PCDH15: variants seen among roughly 807,000 people sequenced by gnomAD.
PCDH15 encodes the protein protocadherin related 15.
In PCDH15, 129 loss-of-function variants were observed where a neutral mutation model predicts 178.5. That is an observed-to-expected ratio of 0.72 (90% CI 0.63 to 0.84). The LOEUF (loss-of-function observed/expected upper bound fraction) is 0.84. PCDH15 is among the 40% of genes least tolerant of loss of function. The probability of loss-of-function intolerance (pLI) is 0.00; values close to 1 mark genes in which losing one functional copy is unlikely to be tolerated. For synonymous variants in PCDH15, 800 were observed against 732.0 expected (o/e 1.09, Z -1.50); for missense variants, 2,230 against 2,099.9 (o/e 1.06, Z -1.21).
chr10:55,352,000 T>A (rs1373628051), intron 2 of PCDH15, among the ~76,000 whole-genome samples: 1 of 152,152 alleles, frequency 6.6e-6, no homozygotes, highest in Non-Finnish European at 1.5e-5. Context: ...ATGTATCAAT[T>A]ATGTGCATTC....
chr10:55,467,966 C>CAAAAAAAAAAAAAAAAAAAAAAA (rs71463104), intron 2 of PCDH15, among the ~76,000 whole-genome samples: 27 of 36,626 alleles, frequency 7.4e-4, no homozygotes, highest in South Asian at 1.2e-3. Flanking sequence ...GACTCCGTCT[C>CAAAAAAAAAAAAAAAAAAAAAAA]AAAAAAAAAA....
rs533479344 is a variant in PCDH15, at chr10:55,365,814, T to C, written c.-155-199163A>G. 1.2e-3 allele frequency among the ~76,000 whole-genome samples: 179 copies of C among 152,206 alleles called. 1 individual carries two copies. The highest frequency in any genetic ancestry group is 4.2e-3 in the African/African-American group (173 of 41,534). On this transcript the variant is annotated intron_variant, in intron 2 of 5. Transcript: ENST00000613346. ...ACTCTTTCTTTTGTAAATTGCCCAG[T>C]CTTGAGTACATCTTTATCAGCAGCA...
chr10:55,013,420 C>G (rs1001367771), intron 2 of PCDH15, among the ~76,000 whole-genome samples: 1 of 152,110 alleles, frequency 6.6e-6, no homozygotes, highest in Non-Finnish European at 1.5e-5. Flanking sequence ...CCACACCAGG[C>G]AATTTGAACC....
chr10:54,439,255 A>G (rs1185198300), intron 3 of PCDH15, among the ~76,000 whole-genome samples: 1 of 152,012 alleles, frequency 6.6e-6, no homozygotes, highest in Non-Finnish European at 1.5e-5. Context: ...CTTAAAGTTT[A>G]AGAAAGATAA....
chr10:55,451,590 A>G (rs757286228), intron 2 of PCDH15, among the ~76,000 whole-genome samples: 4 of 152,226 alleles, frequency 2.6e-5, no homozygotes, highest in Non-Finnish European at 4.4e-5. Flanking sequence ...GAATTCATTC[A>G]GAATTCATTT....
intron 2 of PCDH15, among the ~76,000 whole-genome samples, chr10:55,620,999 GT>G (rs1384112720): frequency 5.3e-5 from 8 of 151,518 alleles, no homozygotes; most frequent in Admixed American, 5.3e-4. Flanking sequence ...TAATGCATTA[GT>G]AAAAACTGTT....
At chr10:54,529,199 A>T (rs886918553) in intron 2 of PCDH15, among the ~76,000 whole-genome samples, 26 of 152,010 alleles carry the variant, frequency 1.7e-4, no homozygotes, top group African/African-American at 6.0e-4. Flanking sequence ...AAGCTGGGAG[A>T]TCTACACATT....
At chr10:54,891,729 A>G (rs1442028818) in intron 3 of PCDH15, among the ~76,000 whole-genome samples, 1 of 152,176 alleles carries the variant, frequency 6.6e-6, no homozygotes, top group Non-Finnish European at 1.5e-5. Context: ...TATACACATC[A>G]TCTTAGCAGA....
rs550354260 is a variant in PCDH15 at position 55,282,914 on chromosome 10, T to C, written c.-156+36685A>G. On this transcript the variant is annotated intron_variant, in intron 1 of 5. Transcript: ENST00000458638. ...TCTCCAAGCTGTTCTTGTTCATTCC[T>C]GGGTTTAGGCCTAAGTAACTTTTGG... Among the ~76,000 whole-genome samples, 10 of 152,322 alleles carry C rather than the reference T, an allele frequency of 6.6e-5. No homozygotes were observed. In the South Asian group the frequency reaches 2.1e-3, roughly 32 times the overall value.
chr10:54,891,987 G>T (rs1342389136), intron 3 of PCDH15, among the ~76,000 whole-genome samples: 4 of 151,962 alleles, frequency 2.6e-5, no homozygotes, highest in Non-Finnish European at 1.5e-5. Context: ...GGAGGCAGAG[G>T]GCATAGTTCT....
intron 2 of PCDH15, among the ~76,000 whole-genome samples, chr10:55,523,689 C>T (rs1351354454): frequency 6.6e-6 from 1 of 151,562 alleles, no homozygotes; most frequent in Non-Finnish European, 1.5e-5. Context: ...ATGATTTAAT[C>T]TCTATTTCCA....
chr10:54,642,793 A>G (rs2135004763), intron 2 of PCDH15, among the ~76,000 whole-genome samples: 1 of 152,332 alleles, frequency 6.6e-6, no homozygotes, highest in African/African-American at 2.4e-5. Flanking sequence ...TACATTTGGT[A>G]ATAAATGCCC....
At chr10:54,218,659 A>G (rs2052381788) in intron 9 of PCDH15, among the ~76,000 whole-genome samples, 1 of 152,126 alleles carries the variant, frequency 6.6e-6, no homozygotes, top group African/African-American at 2.4e-5. Context: ...CTGTGAGAAA[A>G]CACCTTTCTG....
At chr10:55,126,700 C>G (rs765990915) in intron 2 of PCDH15, among the ~76,000 whole-genome samples, 6 of 151,806 alleles carry the variant, frequency 4.0e-5, no homozygotes, top group Non-Finnish European at 8.8e-5. Flanking sequence ...AAACTCAAAA[C>G]AAAGGATAAT....
At chr10:54,833,453 G>A (rs1953261096) in intron 3 of PCDH15, among the ~76,000 whole-genome samples, 1 of 152,142 alleles carries the variant, frequency 6.6e-6, no homozygotes, top group African/African-American at 2.4e-5. Flanking sequence ...AAGTTCTTAA[G>A]AACAAAGACT....
chr10:54,157,512 C>A (rs2045282572), intron 13 of PCDH15, among the ~76,000 whole-genome samples: 1 of 152,164 alleles, frequency 6.6e-6, no homozygotes, highest in African/African-American at 2.4e-5. Flanking sequence ...GACCCTGGGC[C>A]TGCCCATGAA....
chr10:55,175,962 A>G (rs937206220), intron 1 of PCDH15, among the ~76,000 whole-genome samples: 3 of 151,988 alleles, frequency 2.0e-5, no homozygotes, highest in Non-Finnish European at 2.9e-5. Context: ...AGTGGGGACC[A>G]CTGTAGGGTG....
At chr10:55,315,238 T>TG (rs1183771043) in intron 1 of PCDH15, among the ~76,000 whole-genome samples, 1 of 152,174 alleles carries the variant, frequency 6.6e-6, no homozygotes, top group Non-Finnish European at 1.5e-5. Flanking sequence ...AGAATTGGTA[T>TG]TTTTCTTAGA....
intron 2 of PCDH15, among the ~76,000 whole-genome samples, chr10:55,580,472 C>T (rs1312506374): frequency 1.3e-5 from 2 of 151,770 alleles, no homozygotes; most frequent in African/African-American, 2.4e-5. Context: ...ATTCTCCTGC[C>T]TCAGCCTCTC....
Sources: allele counts gnomAD v4.1 joint callset (sites outside exome capture counted in the v4.1 genomes callset), GRCh38; gene constraint gnomAD v4.1.1; transcripts MANE v1.5; gene names NCBI Gene and HGNC (gene_info 2026-07-23, HGNC 2026-07-21).